The following NAALADL2 variants were observed in gnomAD, a reference collection of about 807,000 sequenced individuals.
NAALADL2 encodes N-acetylated alpha-linked acidic dipeptidase like 2, also known as inactive N-acetylated-alpha-linked acidic dipeptidase-like protein 2.
A neutral mutation model predicts 87.2 loss-of-function variants in NAALADL2; 76 were observed. That is an observed-to-expected ratio of 0.87 (90% confidence interval 0.72 to 1.05). NAALADL2 has a LOEUF of 1.05. Ranked by LOEUF, NAALADL2 falls within the 50% of genes least tolerant of loss-of-function variation. The pLI is 0.00. For synonymous variants in NAALADL2, 354 were observed against 331.0 expected (o/e 1.07, Z -0.75); for missense variants, 1,089 against 945.8 (o/e 1.15, Z -1.99).
At chr3:174,840,688 T>G (rs75940301) in intron 3 of NAALADL2, among the ~76,000 whole-genome samples, 1 of 152,126 alleles carries the variant, frequency 6.6e-6, no homozygotes, top group African/African-American at 2.4e-5. Flanking sequence ...ATTCAGCCTC[T>G]TATCTTGAAA....
At chr3:175,274,565 C>G (rs966780999) in intron 4 of NAALADL2, among the ~76,000 whole-genome samples, 5 of 152,110 alleles carry the variant, frequency 3.3e-5, no homozygotes, top group Non-Finnish European at 7.4e-5. Context: ...GAATGCTCAG[C>G]CTATCAGAAT....
At chr3:175,241,409 T>TG (rs1395950911) in intron 3 of NAALADL2, among the ~76,000 whole-genome samples, 1 of 152,032 alleles carries the variant, frequency 6.6e-6, no homozygotes, top group East Asian at 1.9e-4. Flanking sequence ...TTAGTAGGGA[T>TG]GGGGTTTCAA....
chr3:175,727,929 G>T (rs1156868370), intron 11 of NAALADL2, among the ~76,000 whole-genome samples: 1 of 152,162 alleles, frequency 6.6e-6, no homozygotes, highest in African/African-American at 2.4e-5. Flanking sequence ...GGTGGCTCTT[G>T]TTGGGGCTGA....
intron 2 of NAALADL2, among the ~76,000 whole-genome samples, chr3:174,571,960 C>T (rs959834751): frequency 6.6e-6 from 1 of 152,118 alleles, no homozygotes; most frequent in Non-Finnish European, 1.5e-5. Context: ...TGCCTGCAAA[C>T]TTTTTAGAAA....
chr3:174,687,949 G>A (rs966232461), intron 2 of NAALADL2, among the ~76,000 whole-genome samples: 2 of 152,016 alleles, frequency 1.3e-5, no homozygotes, highest in Non-Finnish European at 2.9e-5. Flanking sequence ...CGATTATGAG[G>A]CCTCCCCAGC....
chr3:174,788,040 G>C (rs1252774563), intron 3 of NAALADL2, among the ~76,000 whole-genome samples: 2 of 152,044 alleles, frequency 1.3e-5, no homozygotes, highest in Non-Finnish European at 1.5e-5. Flanking sequence ...TAGTTGAAAG[G>C]CACGTATGGA....
At chr3:175,458,536 T>C (rs1172801702) in intron 6 of NAALADL2, among the ~76,000 whole-genome samples, 2 of 147,802 alleles carry the variant, frequency 1.4e-5, no homozygotes, top group African/African-American at 2.4e-5. Context: ...GTTTTATATA[T>C]AATATATAAT....
intron 2 of NAALADL2, among the ~76,000 whole-genome samples, chr3:174,597,716 C>T (rs927014655): frequency 2.6e-5 from 4 of 152,144 alleles, no homozygotes; most frequent in Admixed American, 6.5e-5. Flanking sequence ...AAAAAGGGTT[C>T]ATTGGGAGAA....
intron 1 of NAALADL2, among the ~76,000 whole-genome samples, chr3:174,871,115 A>T (rs1350720612): frequency 1.3e-5 from 2 of 152,238 alleles, no homozygotes; most frequent in Non-Finnish European, 2.9e-5. Context: ...TAGGTGACCA[A>T]AAACTAGTAT....
intron 3 of NAALADL2, among the ~76,000 whole-genome samples, chr3:174,771,383 C>A (rs1318012143): frequency 1.3e-5 from 2 of 152,064 alleles, no homozygotes; most frequent in African/African-American, 2.4e-5. Context: ...CTATTGAGTG[C>A]AATACGAGGT....
chr3:174,462,940 T>G (rs1039718281), intron 1 of NAALADL2, among the ~76,000 whole-genome samples: 3 of 152,242 alleles, frequency 2.0e-5, no homozygotes, highest in Admixed American at 1.3e-4. Context: ...CATATCATTA[T>G]AAAGCAATTT....
At chr3:175,385,141 T>C (rs1768222924) in intron 5 of NAALADL2, among the ~76,000 whole-genome samples, 1 of 152,098 alleles carries the variant, frequency 6.6e-6, no homozygotes, top group East Asian at 1.9e-4. Context: ...ATCTAACTCA[T>C]ACATAAATAG....
chr3:175,210,019 A>C (rs1316201458), intron 2 of NAALADL2, among the ~76,000 whole-genome samples: 1 of 151,924 alleles, frequency 6.6e-6, no homozygotes, highest in Non-Finnish European at 1.5e-5. Flanking sequence ...TATTAATATT[A>C]TACATACAAT....
rs1367534937 is a variant in NAALADL2, at chr3:175,803,227, GT to G, written c.*27del. The stretch of plus-strand genomic sequence containing the variant: ...GAGAAAACTCTGAGCATTTTTAAAA[GT>G]TTGTTTACAATTCCACAAGCAAAAG... On this transcript the variant is annotated 3_prime_UTR_variant, in exon 14 of 14. Coordinates refer to ENST00000454872, the MANE Select transcript of NAALADL2 (RefSeq NM_207015.3). 2 of 1,546,740 alleles carry G rather than the reference GT, an allele frequency of 1.3e-6. No homozygotes were observed. Among genetic ancestry groups the G allele is most frequent in the African/African-American group, 2.7e-5 (2 of 72,974 alleles).
At chr3:175,257,963 A>T (rs35869103) in intron 4 of NAALADL2, among the ~76,000 whole-genome samples, 38,914 of 152,008 alleles carry the variant, frequency 0.26, 6,171 homozygotes, top group South Asian at 0.48. Flanking sequence ...TTATAAATGG[A>T]GTAAGACACA....
chr3:175,171,856 T>C (rs1355615967), intron 2 of NAALADL2, among the ~76,000 whole-genome samples: 1 of 152,116 alleles, frequency 6.6e-6, no homozygotes, highest in Non-Finnish European at 1.5e-5. Context: ...GTTTAAAATG[T>C]TAATCTCTTT....
At chr3:175,065,421 A>C (rs1417384766) in intron 1 of NAALADL2, among the ~76,000 whole-genome samples, 1 of 152,218 alleles carries the variant, frequency 6.6e-6, no homozygotes, top group African/African-American at 2.4e-5. Context: ...GATTCTACAT[A>C]GAATTTGCAA....
intron 1 of NAALADL2, among the ~76,000 whole-genome samples, chr3:175,051,090 A>G (rs1333995506): frequency 1.3e-5 from 2 of 152,206 alleles, no homozygotes; most frequent in Admixed American, 6.5e-5. Context: ...TTTCAGTTCA[A>G]TAAGAAATGG....
chr3:174,781,909 C>G (rs1224372992), intron 3 of NAALADL2, among the ~76,000 whole-genome samples: 1 of 151,818 alleles, frequency 6.6e-6, no homozygotes, highest in Non-Finnish European at 1.5e-5. Flanking sequence ...ATGCTTCTTT[C>G]CTTTATTGAT....
Sources: allele counts gnomAD v4.1 joint callset (sites outside exome capture counted in the v4.1 genomes callset), GRCh38; gene constraint gnomAD v4.1.1; transcripts MANE v1.5; gene names NCBI Gene and HGNC (gene_info 2026-07-23, HGNC 2026-07-21).